ATP2B2: variants seen among roughly 807,000 people sequenced by gnomAD.
ATP2B2 encodes ATPase plasma membrane Ca2+ transporting 2.
Under a neutral mutation model 120.0 loss-of-function variants are expected in ATP2B2, and 15 were observed. The ratio of observed to expected loss-of-function variants is 0.12; its 90% CI spans 0.08 to 0.19. ATP2B2 has a LOEUF of 0.19. ATP2B2 is among the 10% of genes least tolerant of loss of function. The pLI, the probability that ATP2B2 is intolerant of heterozygous loss-of-function variation, is 1.00. For synonymous variants in ATP2B2, 694 were observed against 700.3 expected (o/e 0.99, Z 0.14); for missense variants, 1,045 against 1,719.8 (o/e 0.61, Z 6.94).
At chr3:10,413,908 C>G (rs11918538) in intron 2 of ATP2B2, among the ~76,000 whole-genome samples, 3,218 of 152,290 alleles carry the variant, frequency 0.021, 107 homozygotes, top group African/African-American at 0.072. Context: ...CCGTGGGCCT[C>G]TGAGGGAGGG....
At chr3:10,417,967 G>T (rs2062847083) in intron 2 of ATP2B2, among the ~76,000 whole-genome samples, 1 of 152,242 alleles carries the variant, frequency 6.6e-6, no homozygotes, top group Non-Finnish European at 1.5e-5. Flanking sequence ...CAGTGGCCAG[G>T]AAAGGCTGGG....
intron 1 of ATP2B2, among the ~76,000 whole-genome samples, chr3:10,629,522 C>T (rs935034978): frequency 6.6e-6 from 1 of 152,210 alleles, no homozygotes; most frequent in African/African-American, 2.4e-5. Flanking sequence ...GCTTGGGAGA[C>T]CACAGGCGTC....
chr3:10,421,002 C>A (rs549051448), intron 2 of ATP2B2, among the ~76,000 whole-genome samples: 41 of 152,308 alleles, frequency 2.7e-4, no homozygotes, highest in Non-Finnish European at 3.5e-4. Context: ...CCTGGAGCGG[C>A]GGCTTCAGCA....
intron 1 of ATP2B2, among the ~76,000 whole-genome samples, chr3:10,454,512 T>A (rs2064183983): frequency 6.6e-6 from 1 of 152,230 alleles, no homozygotes; most frequent in Non-Finnish European, 1.5e-5. Flanking sequence ...CTTCCTTCTC[T>A]ACCTCTTCTG....
chr3:10,383,137 A>C (rs1013422506), intron 8 of ATP2B2, among the ~76,000 whole-genome samples: 24 of 151,104 alleles, frequency 1.6e-4, no homozygotes, highest in Admixed American at 1.5e-3. Context: ...AACTTAAAGT[A>C]TAATAATAAT....
At chr3:10,618,770 T>A (rs752597100) in intron 2 of ATP2B2, among the ~76,000 whole-genome samples, 30 of 152,130 alleles carry the variant, frequency 2.0e-4, no homozygotes, top group Admixed American at 3.9e-4. Flanking sequence ...GAAGAAACCA[T>A]GAAAGAAACA....
At chr3:10,489,514 A>G (rs971634172) in intron 1 of ATP2B2, among the ~76,000 whole-genome samples, 20 of 152,172 alleles carry the variant, frequency 1.3e-4, no homozygotes, top group African/African-American at 4.8e-4. Flanking sequence ...GCCTCTCATT[A>G]AATGGATTTG....
At chr3:10,555,712 G>C (rs2067763637) in intron 2 of ATP2B2, among the ~76,000 whole-genome samples, 1 of 152,208 alleles carries the variant, frequency 6.6e-6, no homozygotes, top group African/African-American at 2.4e-5. Context: ...GTGGGGAGAA[G>C]CCCATAAGAT....
At chr3:10,601,836 C>T (rs2068930742) in intron 2 of ATP2B2, among the ~76,000 whole-genome samples, 1 of 152,224 alleles carries the variant, frequency 6.6e-6, no homozygotes, top group Non-Finnish European at 1.5e-5. Flanking sequence ...GAGGGGAGCC[C>T]CACTAGGAGC....
chr3:10,513,730 C>T (rs1299190607), intron 3 of ATP2B2, among the ~76,000 whole-genome samples: 1 of 152,116 alleles, frequency 6.6e-6, no homozygotes, highest in Non-Finnish European at 1.5e-5. Flanking sequence ...CGCGAATGTG[C>T]AGGGGGCTGA....
At chr3:10,357,344 T>C (rs1293218356) in intron 14 of ATP2B2, among the ~76,000 whole-genome samples, 2 of 152,154 alleles carry the variant, frequency 1.3e-5, no homozygotes, top group Non-Finnish European at 2.9e-5. Context: ...CACAGCCAGC[T>C]GTGCCGGCAC....
chr3:10,596,706 C>T (rs1453438050), intron 2 of ATP2B2, among the ~76,000 whole-genome samples: 4 of 152,214 alleles, frequency 2.6e-5, no homozygotes, highest in African/African-American at 9.6e-5. Context: ...CAAAAGAGAA[C>T]CAGGGTTTCC....
At chr3:10,585,538 C>T (rs1283389598) in intron 2 of ATP2B2, among the ~76,000 whole-genome samples, 1 of 141,676 alleles carries the variant, frequency 7.1e-6, no homozygotes, top group African/African-American at 2.6e-5. Context: ...GAGCTCCATT[C>T]GCTGACCTGC....
intron 11 of ATP2B2, among the ~76,000 whole-genome samples, chr3:10,374,166 C>T (rs955203678): frequency 6.6e-6 from 1 of 152,174 alleles, no homozygotes; most frequent in Non-Finnish European, 1.5e-5. Flanking sequence ...TCTCCCAAAC[C>T]AGCTCTGTGC....
At chr3:10,625,310 A>G (rs1054073504) in intron 1 of ATP2B2, among the ~76,000 whole-genome samples, 2 of 152,108 alleles carry the variant, frequency 1.3e-5, no homozygotes, top group Non-Finnish European at 2.9e-5. Context: ...TTGGGACCCT[A>G]TGCTGTCATG....
At chr3:10,584,421 G>A (rs6442183) in intron 2 of ATP2B2, among the ~76,000 whole-genome samples, 3,762 of 152,146 alleles carry the variant, frequency 0.025, 125 homozygotes, top group African/African-American at 0.084. Flanking sequence ...GCCCACAAGT[G>A]TCCCCACACA....
At chr3:10,469,864 T>G (rs991962033) in intron 1 of ATP2B2, among the ~76,000 whole-genome samples, 1 of 152,102 alleles carries the variant, frequency 6.6e-6, no homozygotes, top group African/African-American at 2.4e-5. Context: ...GGGCTGCTGA[T>G]GGACACCCTG....
chr3:10,481,364 G>T (rs955384870), intron 1 of ATP2B2, among the ~76,000 whole-genome samples: 1 of 149,794 alleles, frequency 6.7e-6, no homozygotes, highest in Admixed American at 6.7e-5. Flanking sequence ...CAGGGCTTCT[G>T]CCTGCCCTGT....
chr3:10,430,211 C>T (rs61640631), intron 2 of ATP2B2, among the ~76,000 whole-genome samples: 2,536 of 152,266 alleles, frequency 0.017, 73 homozygotes, highest in African/African-American at 0.057. Flanking sequence ...ATTCTGCAGC[C>T]CATGAGTCAA....
Sources: allele counts gnomAD v4.1 joint callset (sites outside exome capture counted in the v4.1 genomes callset), GRCh38; gene constraint gnomAD v4.1.1; transcripts MANE v1.5; gene names NCBI Gene and HGNC (gene_info 2026-07-23, HGNC 2026-07-21).